ZEB2: variants seen among roughly 807,000 people sequenced by gnomAD.
ZEB2 encodes zinc finger E-box-binding homeobox 2.
In ZEB2, 6 loss-of-function variants were observed where a neutral mutation model predicts 99.9. The ratio of observed to expected loss-of-function variants is 0.06; its 90% CI spans 0.03 to 0.12. The LOEUF (loss-of-function observed/expected upper bound fraction) is 0.12. Ranked by LOEUF, ZEB2 falls within the 10% of genes least tolerant of loss-of-function variation. The probability of loss-of-function intolerance (pLI) is 1.00; values close to 1 mark genes in which losing one functional copy is unlikely to be tolerated. For missense variants in ZEB2, 969 were observed against 1,502.8 expected (o/e 0.64, Z 5.87); for synonymous variants, 517 against 542.5 (o/e 0.95, Z 0.65).
chr2:144,470,635 C>T, intron 2 of ZEB2: 1 of 152,132 alleles, frequency 6.6e-6, no homozygotes, highest in Non-Finnish European at 1.5e-5. Context: ...GTTATTAACC[C>T]TATCACCACC....
At chr2:144,485,012 T>G (rs551940250) in intron 2 of ZEB2, among the ~76,000 whole-genome samples, 1 of 152,268 alleles carries the variant, frequency 6.6e-6, no homozygotes, top group East Asian at 1.9e-4. Context: ...AACCTGGCCC[T>G]TCAGAGTAAA....
At chr2:144,463,630 A>G (rs1188075860) in intron 2 of ZEB2, 2 of 152,148 alleles carry the variant, frequency 1.3e-5, no homozygotes, top group Non-Finnish European at 2.9e-5. Context: ...GGAATTCAAG[A>G]CCAGTTTGGG....
chr2:144,511,496 A>G lies in ZEB2; in HGVS notation c.73+5782T>C, dbSNP rs865814130. ...AGATAAAAGTATTTGGCACATAGCT[A>G]TTAAGGCAAAGGCTTCCATGGAGCC... is the stretch of plus-strand genomic sequence containing the variant. On this transcript the variant is annotated intron_variant, in intron 2 of 9. Coordinates refer to ENST00000627532, the MANE Select transcript of ZEB2 (RefSeq NM_014795.4). 7.8e-6 allele frequency: 10 copies of G among 1,280,614 alleles called. 1 individual carries two copies. The African/African-American group carries it at 9.2e-5, about 12-fold the overall frequency. 79.3% of individuals were successfully genotyped at this position (1,280,614 alleles called of 1,614,324 possible).
chr2:144,424,087 G>C (rs1250681746), intron 4 of ZEB2, among the ~76,000 whole-genome samples: 1 of 152,158 alleles, frequency 6.6e-6, no homozygotes, highest in Admixed American at 6.5e-5. Flanking sequence ...GTAAGAATGT[G>C]AGAGAAGATG....
At position 144,475,782 on chromosome 2, in the gene ZEB2, C is replaced by CCCAT. The variant is rs1398902753; in HGVS notation, c.73+41492_73+41495dup. 6.6e-5 allele frequency among the ~76,000 whole-genome samples: 10 copies of CCCAT among 152,302 alleles called. No individual in the cohort carries two copies. In the East Asian group the frequency reaches 1.9e-3, roughly 29 times the overall value. On this transcript the variant is annotated intron_variant, in intron 2 of 9. Coordinates refer to ENST00000627532, the MANE Select transcript of ZEB2 (RefSeq NM_014795.4). ...CTCTTGGACTTACCTATCTGTCAAA[C>CCCAT]CCATACATGTGACAGCTGTTGGATT...
chr2:144,505,317 GA>G (rs1305754288), intron 2 of ZEB2, among the ~76,000 whole-genome samples: 1 of 152,144 alleles, frequency 6.6e-6, no homozygotes, highest in Non-Finnish European at 1.5e-5. Context: ...GCGACTGGGG[GA>G]AAGACAAGGA....
chr2:144,416,579 T>C (rs1003632542), intron 4 of ZEB2, among the ~76,000 whole-genome samples: 9 of 152,334 alleles, frequency 5.9e-5, no homozygotes, highest in African/African-American at 1.9e-4. Context: ...CATCTTAAAT[T>C]GACTACATTC....
chr2:144,418,434 A>G (rs1395658610), intron 4 of ZEB2, among the ~76,000 whole-genome samples: 1 of 152,216 alleles, frequency 6.6e-6, no homozygotes, highest in Non-Finnish European at 1.5e-5. Flanking sequence ...CATGCCTGTA[A>G]TCCCAGCACT....
In ZEB2 at chr2:144,384,384, T is replaced by C. The variant is rs1268698966; in HGVS notation, c.*5067A>G. The C allele has an allele frequency of 1.3e-5, 2 of 152,136 alleles. No homozygotes were observed. 9.4% of individuals were successfully genotyped at this position (152,136 alleles called of 1,614,324 possible). On this transcript the variant is annotated 3_prime_UTR_variant, in exon 10 of 10. Transcript: ENST00000627532. ...TGAAGGATTTATTTCTGTTATTTAA[T>C]AGCATTTGTTTAATTCCGAGATTAA...
chr2:144,446,567 A>G (rs1167771900), intron 2 of ZEB2, among the ~76,000 whole-genome samples: 1 of 152,162 alleles, frequency 6.6e-6, no homozygotes, highest in African/African-American at 2.4e-5. Context: ...GGCTCTTTAG[A>G]CCAATTATCT....
At chr2:144,449,180 T>C (rs2149898984) in intron 2 of ZEB2, among the ~76,000 whole-genome samples, 1 of 152,208 alleles carries the variant, frequency 6.6e-6, no homozygotes, top group Admixed American at 6.5e-5. Flanking sequence ...TCCTGCAAAC[T>C]GAGAGAAACC....
chr2:144,514,337 A>T (rs1705095093), intron 2 of ZEB2: 1 of 152,354 alleles, frequency 6.6e-6, no homozygotes, highest in South Asian at 2.1e-4. Context: ...CTTCATTAAA[A>T]TTATATAAAG....
At chr2:144,513,394 C>A (rs898159367) in intron 2 of ZEB2, 71 of 1,363,172 alleles carry the variant, frequency 5.2e-5, no homozygotes, top group Non-Finnish European at 6.6e-5. Context: ...CTCCCCTTCT[C>A]CTTCACACTG....
chr2:144,446,021 A>C (rs767291587), intron 2 of ZEB2, among the ~76,000 whole-genome samples: 1 of 151,996 alleles, frequency 6.6e-6, no homozygotes, highest in Non-Finnish European at 1.5e-5. Flanking sequence ...GGGATACTCT[A>C]CCTGCAGTGC....
chr2:144,517,836 C>T (rs1705188140), intron 1 of ZEB2: 1 of 564,134 alleles, frequency 1.8e-6, no homozygotes, highest in Non-Finnish European at 3.2e-6. Context: ...CATCCCCCCA[C>T]CCCCCAATTC....
intron 2 of ZEB2, among the ~76,000 whole-genome samples, chr2:144,498,029 AT>A (rs1704804839): frequency 2.0e-5 from 1 of 51,102 alleles, no homozygotes; most frequent in Non-Finnish European, 3.6e-5. Context: ...TATATATTAT[AT>A]AATATATATT....
At chr2:144,451,829 T>G (rs912312284) in intron 2 of ZEB2, among the ~76,000 whole-genome samples, 1 of 152,278 alleles carries the variant, frequency 6.6e-6, no homozygotes, top group African/African-American at 2.4e-5. Flanking sequence ...TTTGTCCATA[T>G]GGACACATCG....
intron 4 of ZEB2, 54 bp downstream of exon 4, chr2:144,424,742 T>C (rs921211524): frequency 1.2e-6 from 2 of 1,603,648 alleles, no homozygotes; most frequent in African/African-American, 1.3e-5. Context: ...CCTGCCTCAC[T>C]AAACCCACAT....
At chr2:144,454,032 CTTT>C (rs901729678) in intron 2 of ZEB2, among the ~76,000 whole-genome samples, 3 of 152,102 alleles carry the variant, frequency 2.0e-5, no homozygotes, top group Non-Finnish European at 4.4e-5. Context: ...GTATTTGTGA[CTTT>C]TTTACTCTTC....
Sources: gnomAD v4.1 joint callset for allele counts (sites outside exome capture counted in the v4.1 genomes callset) on GRCh38, gnomAD v4.1.1 for gene constraint, MANE v1.5 for transcripts, NCBI Gene and HGNC (gene_info 2026-07-23, HGNC 2026-07-21) for gene names.